Variants in FARSB observed in about 807,000 individuals in gnomAD.
FARSB encodes the protein phenylalanine--tRNA ligase beta subunit.
Under a neutral mutation model 69.6 loss-of-function variants are expected in FARSB, and 40 were observed. That is an observed-to-expected ratio of 0.57 (90% CI 0.45 to 0.75). The LOEUF (loss-of-function observed/expected upper bound fraction) is 0.75, where lower values mean the gene tolerates loss of function less well. Among genes scored for constraint, FARSB ranks in the 30% least tolerant of loss-of-function variants. FARSB has a pLI of 0.00. For missense variants in FARSB, 632 were observed against 722.9 expected, an observed-to-expected ratio of 0.87 and a Z score of 1.44; for synonymous variants, 235 against 247.2, an observed-to-expected ratio of 0.95 and a Z score of 0.46.
At chr2:222,572,949 G>C (rs959986865) in intron 16 of FARSB, among the ~76,000 whole-genome samples, 2 of 152,196 alleles carry the variant, frequency 1.3e-5, no homozygotes, top group African/African-American at 2.4e-5. Flanking sequence ...TGCAGCTCCT[G>C]ACAGATTCAA....
At chr2:222,637,705 A>C (rs1691620725) in intron 5 of FARSB, among the ~76,000 whole-genome samples, 1 of 152,198 alleles carries the variant, frequency 6.6e-6, no homozygotes, top group Non-Finnish European at 1.5e-5. Context: ...TTGAAAGATC[A>C]ATAAAATGAG....
chr2:222,591,435 G>A (rs1386023264), intron 16 of FARSB, among the ~76,000 whole-genome samples: 2 of 152,176 alleles, frequency 1.3e-5, no homozygotes, highest in Non-Finnish European at 2.9e-5. Context: ...TAGCTAGACA[G>A]ATATCAATCA....
intron 16 of FARSB, among the ~76,000 whole-genome samples, chr2:222,582,545 G>C (rs1045206573): frequency 7.9e-5 from 12 of 152,176 alleles, no homozygotes; most frequent in African/African-American, 2.9e-4. Context: ...TAAATTTTAA[G>C]CTGCTTTCAA....
intron 1 of FARSB, among the ~76,000 whole-genome samples, chr2:222,650,352 CTA>C (rs1473411729): frequency 6.6e-6 from 1 of 152,188 alleles, no homozygotes; most frequent in East Asian, 1.9e-4. Flanking sequence ...GATCTGCATT[CTA>C]AAGACTGCTC....
chr2:222,608,341 C>T (rs1443517344), intron 15 of FARSB, among the ~76,000 whole-genome samples: 1 of 152,134 alleles, frequency 6.6e-6, no homozygotes, highest in East Asian at 1.9e-4. Flanking sequence ...AAGTATTTCA[C>T]AAGCCCACAA....
chr2:222,628,863 GAA>G lies in FARSB; in HGVS notation c.872_873del (p.Phe291SerfsTer2). On this transcript the variant is annotated frameshift_variant, in exon 10 of 17. Transcript: ENST00000281828. LOFTEE classifies it high-confidence loss of function. ...GGAAAGGTATGTGATTTTCCATTAG[GAA>G]AAACCACTTCAGCAGCTTCGACCCT... is the stretch of plus-strand genomic sequence containing the variant. ...QFTVEAAEVV[F>X]PNGKSHTFPE... The G allele has an allele frequency of 6.2e-7, 1 of 1,608,538 alleles. No homozygotes were observed. The highest frequency in any genetic ancestry group is 8.5e-7 in the Non-Finnish European group (1 of 1,176,842).
chr2:222,627,000 C>T (rs1691294145), intron 10 of FARSB, among the ~76,000 whole-genome samples: 1 of 152,150 alleles, frequency 6.6e-6, no homozygotes, highest in African/African-American at 2.4e-5. Context: ...CGCGCCACTG[C>T]ACTCCAGCCT....
chr2:222,577,459 A>T (rs1689866334), intron 16 of FARSB, among the ~76,000 whole-genome samples: 1 of 152,214 alleles, frequency 6.6e-6, no homozygotes, highest in African/African-American at 2.4e-5. Flanking sequence ...ATTAACTCTT[A>T]AAGTGAAGGC....
At chr2:222,603,951 T>C (rs1365907466) in intron 15 of FARSB, among the ~76,000 whole-genome samples, 1 of 151,998 alleles carries the variant, frequency 6.6e-6, no homozygotes, top group Non-Finnish European at 1.5e-5. Flanking sequence ...GCGCGGTGGC[T>C]CACGCCTGTA....
intron 1 of FARSB, 148 bp downstream of exon 1, chr2:222,655,868 G>A (rs1239397782): frequency 3.1e-6 from 2 of 653,112 alleles, no homozygotes; most frequent in African/African-American, 1.8e-5. Context: ...CAGCCGGACC[G>A]CCACCATCAT....
At chr2:222,587,922 C>T (rs1193319972) in intron 16 of FARSB, among the ~76,000 whole-genome samples, 1 of 152,132 alleles carries the variant, frequency 6.6e-6, no homozygotes, top group Non-Finnish European at 1.5e-5. Context: ...CAAATTCTAT[C>T]AGAGGTACAA....
chr2:222,597,596 G>A (rs1690452837), intron 16 of FARSB, among the ~76,000 whole-genome samples: 1 of 152,132 alleles, frequency 6.6e-6, no homozygotes, highest in Admixed American at 6.6e-5. Context: ...TTAAGCAGAA[G>A]ATCAACACAA....
chr2:222,631,218 G>A (rs1299375691), intron 8 of FARSB, among the ~76,000 whole-genome samples: 5 of 150,844 alleles, frequency 3.3e-5, no homozygotes, highest in Non-Finnish European at 5.9e-5. Context: ...GTACACAAAG[G>A]TACCAAATTA....
In FARSB at chr2:222,619,719, CA is replaced by C; in HGVS notation, c.1269del (p.Ile423MetfsTer5). On this transcript the variant is annotated frameshift_variant, in exon 14 of 17. Coordinates refer to ENST00000281828, the MANE Select transcript of FARSB (RefSeq NM_005687.5). LOFTEE classifies it high-confidence loss of function. The part of the protein sequence containing the change: ...LTFALCSQED[I>X]ADKLGVDISA... ...GAGATATCCACACCTAGTTTATCAG[CA>C]ATATCTTCTTGGGAGCACTGTGAAG... The C allele has an allele frequency of 4.4e-6, 7 of 1,598,094 alleles. No individual in the cohort carries two copies. The highest frequency in any genetic ancestry group is 6.0e-6 in the Non-Finnish European group (7 of 1,166,350).
At chr2:222,605,193 C>CTG (rs1559199379) in intron 15 of FARSB, among the ~76,000 whole-genome samples, 1 of 151,730 alleles carries the variant, frequency 6.6e-6, no homozygotes, top group African/African-American at 2.4e-5. Flanking sequence ...CTCTCTCTCT[C>CTG]TGTGTCTCCC....
rs537858986 is a variant in FARSB at position 222,599,497 on chromosome 2, C to CTTTA, written c.1618+430_1618+431insTAAA. On this transcript the variant is annotated intron_variant, in intron 16 of 16. Transcript: ENST00000281828. Reference sequence around the variant, plus strand: ...ACATGTGTGAAATCTTTCAGAATAACTTCTGAGGTTTTTGTTTTTGTTTTC... The same window carrying CTTTA: ...ACATGTGTGAAATCTTTCAGAATAACTTTATTCTGAGGTTTTTGTTTTTGTTTTC... Among the ~76,000 whole-genome samples the CTTTA allele has an allele frequency of 4.6e-5, 7 of 152,266 alleles. No homozygotes were observed. In the South Asian group the frequency reaches 1.2e-3, roughly 27 times the overall value.
At chr2:222,637,102 A>C (rs1280420241) in intron 5 of FARSB, among the ~76,000 whole-genome samples, 1 of 152,212 alleles carries the variant, frequency 6.6e-6, no homozygotes, top group East Asian at 1.9e-4. Context: ...AAATAACTGA[A>C]GTAAAAGACT....
At chr2:222,616,871 T>C (rs772613504) in intron 14 of FARSB, among the ~76,000 whole-genome samples, 78 of 152,276 alleles carry the variant, frequency 5.1e-4, no homozygotes, top group Non-Finnish European at 7.9e-4. Context: ...CTTAGCCAAA[T>C]TAATGATGGT....
chr2:222,596,088 A>G (rs373185887), intron 16 of FARSB, among the ~76,000 whole-genome samples: 8 of 152,160 alleles, frequency 5.3e-5, no homozygotes, highest in African/African-American at 1.9e-4. Context: ...TTGACATTCT[A>G]TCTCAAGTTG....
Sources: gnomAD v4.1 joint callset for allele counts (sites outside exome capture counted in the v4.1 genomes callset) on GRCh38, gnomAD v4.1.1 for gene constraint, MANE v1.5 for transcripts, NCBI Gene and HGNC (gene_info 2026-07-23, HGNC 2026-07-21) for gene names.